ATXN1: variants seen among roughly 807,000 people sequenced by gnomAD.
ATXN1 encodes ataxin 1.
A neutral mutation model predicts 56.4 loss-of-function variants in ATXN1; 8 were observed. That is an observed-to-expected ratio of 0.14 (90% confidence interval 0.08 to 0.26). The LOEUF is 0.26. Ranked by LOEUF, ATXN1 falls within the 10% of genes least tolerant of loss-of-function variation. ATXN1 has a pLI of 1.00. For missense variants in ATXN1, 987 were observed against 1,106.5 expected, an observed-to-expected ratio of 0.89 and a Z score of 1.53; for synonymous variants, 514 against 494.6, an observed-to-expected ratio of 1.04 and a Z score of -0.52.
At chr6:16,510,857 T>C (rs1761070672) in intron 5 of ATXN1, among the ~76,000 whole-genome samples, 1 of 152,206 alleles carries the variant, frequency 6.6e-6, no homozygotes, top group Non-Finnish European at 1.5e-5. Flanking sequence ...CAAATAGATC[T>C]GGGAAGATTT....
chr6:16,359,929 G>A (rs537601615), intron 6 of ATXN1, among the ~76,000 whole-genome samples: 21 of 152,160 alleles, frequency 1.4e-4, no homozygotes, highest in African/African-American at 3.1e-4. Context: ...AGGGTGGGAG[G>A]GGGGTGAGGG....
intron 6 of ATXN1, among the ~76,000 whole-genome samples, chr6:16,450,315 CAT>C (rs3072202): frequency 0.42 from 63,792 of 152,000 alleles, 14,481 homozygotes; most frequent in East Asian, 0.81. Flanking sequence ...TTCTTTTTCA[CAT>C]GTTTGGGAGC....
chr6:16,595,716 C>T (rs1260513238), intron 3 of ATXN1, among the ~76,000 whole-genome samples: 2 of 152,176 alleles, frequency 1.3e-5, no homozygotes, highest in African/African-American at 4.8e-5. Flanking sequence ...TTCACCTGTA[C>T]GAAGGATGTC....
chr6:16,635,114 C>T (rs1225820797), intron 3 of ATXN1, among the ~76,000 whole-genome samples: 3 of 152,092 alleles, frequency 2.0e-5, no homozygotes, highest in African/African-American at 4.8e-5. Context: ...AGGTCAGCAA[C>T]GGCATGAGAT....
intron 3 of ATXN1, among the ~76,000 whole-genome samples, chr6:16,592,670 T>C (rs1046306668): frequency 1.3e-5 from 2 of 152,016 alleles, no homozygotes; most frequent in African/African-American, 4.8e-5. Flanking sequence ...GTGTCTGGAG[T>C]TGGTTCCTTC....
chr6:16,525,028 G>A (rs909049499), intron 4 of ATXN1, among the ~76,000 whole-genome samples: 3 of 152,078 alleles, frequency 2.0e-5, no homozygotes, highest in Non-Finnish European at 4.4e-5. Context: ...CTCCAGCCTG[G>A]GCAACAAGAG....
intron 6 of ATXN1, among the ~76,000 whole-genome samples, chr6:16,478,217 T>C (rs1760367738): frequency 6.6e-6 from 1 of 152,166 alleles, no homozygotes; most frequent in Non-Finnish European, 1.5e-5. Flanking sequence ...CACTACCCTT[T>C]CATCTACATT....
At chr6:16,399,300 G>A (rs1488365075) in intron 6 of ATXN1, among the ~76,000 whole-genome samples, 1 of 152,130 alleles carries the variant, frequency 6.6e-6, no homozygotes, top group Non-Finnish European at 1.5e-5. Context: ...GAGGTTTGGT[G>A]GGTGTATGGT....
intron 2 of ATXN1, among the ~76,000 whole-genome samples, chr6:16,706,235 A>G (rs1420149410): frequency 6.6e-6 from 1 of 152,160 alleles, no homozygotes; most frequent in Non-Finnish European, 1.5e-5. Flanking sequence ...ATACCCTACC[A>G]TAATGCTTAA....
chr6:16,620,675 G>A (rs565645843), intron 3 of ATXN1, among the ~76,000 whole-genome samples: 1 of 152,264 alleles, frequency 6.6e-6, no homozygotes, highest in South Asian at 2.1e-4. Flanking sequence ...TCATCAGTTG[G>A]CCCATATATG....
chr6:16,555,004 C>T (rs571933551), intron 4 of ATXN1, among the ~76,000 whole-genome samples: 1 of 152,302 alleles, frequency 6.6e-6, no homozygotes, highest in African/African-American at 2.4e-5. Flanking sequence ...GAGTGAAACT[C>T]CCCATCTCAT....
At chr6:16,759,595 A>G (rs1282364328) in intron 1 of ATXN1, among the ~76,000 whole-genome samples, 1 of 134,582 alleles carries the variant, frequency 7.4e-6, no homozygotes, top group African/African-American at 2.9e-5. Flanking sequence ...CTCTTCTCAA[A>G]TATTTATATT....
chr6:16,549,638 C>G (rs1761879250), intron 4 of ATXN1, among the ~76,000 whole-genome samples: 1 of 152,114 alleles, frequency 6.6e-6, no homozygotes, highest in Non-Finnish European at 1.5e-5. Flanking sequence ...CGGCTTACGC[C>G]TGTAATCCCA....
chr6:16,413,344 T>TG (rs997037612), intron 6 of ATXN1, among the ~76,000 whole-genome samples: 1 of 149,232 alleles, frequency 6.7e-6, no homozygotes, highest in Admixed American at 6.6e-5. Context: ...ACACTGTTTT[T>TG]GTTTTTTTTT....
chr6:16,488,197 TCACTC>T (rs1454451270), intron 5 of ATXN1, among the ~76,000 whole-genome samples: 1 of 152,140 alleles, frequency 6.6e-6, no homozygotes, highest in Non-Finnish European at 1.5e-5. Context: ...GCACCCCAAG[TCACTC>T]CGTTATCACA....
intron 2 of ATXN1, among the ~76,000 whole-genome samples, chr6:16,751,590 A>T (rs1217117061): frequency 8.4e-5 from 1 of 11,884 alleles, no homozygotes; most frequent in Non-Finnish European, 1.4e-4. Flanking sequence ...CAACAATCTA[A>T]AAAAAAAAAA....
chr6:16,616,349 G>A (rs1482026374), intron 3 of ATXN1, among the ~76,000 whole-genome samples: 3 of 151,586 alleles, frequency 2.0e-5, no homozygotes, highest in Non-Finnish European at 2.9e-5. Flanking sequence ...AGACCAGCCT[G>A]GCTAACATGG....
rs567644060 is a variant in ATXN1 at position 16,521,271 on chromosome 6, C to T, written c.-299+1356G>A. 1.6e-4 allele frequency among the ~76,000 whole-genome samples: 25 copies of T among 152,218 alleles called. No homozygotes were observed. In the South Asian group the frequency reaches 2.1e-3, roughly 13 times the overall value. On this transcript the variant is annotated intron_variant, in intron 5 of 7. Transcript: ENST00000436367. ...AAAACCAACATAACTTTAAAAAAAA[C>T]GAATAAATGGGGCCGGGCGCGGTGG... is the stretch of plus-strand genomic sequence containing the variant.
chr6:16,745,684 C>A (rs561602561), intron 2 of ATXN1, among the ~76,000 whole-genome samples: 1 of 152,156 alleles, frequency 6.6e-6, no homozygotes, highest in Non-Finnish European at 1.5e-5. Context: ...GAGCTACCTG[C>A]GGAAAACGTC....
Sources: gnomAD v4.1 joint callset for allele counts (sites outside exome capture counted in the v4.1 genomes callset) on GRCh38, gnomAD v4.1.1 for gene constraint, MANE v1.5 for transcripts, NCBI Gene and HGNC (gene_info 2026-07-23, HGNC 2026-07-21) for gene names.